Variants in SAMD12 observed in about 807,000 individuals in gnomAD.
SAMD12 encodes sterile alpha motif domain containing 12.
In SAMD12, 9 loss-of-function variants were observed where a neutral mutation model predicts 15.0. The observed-to-expected ratio is 0.60, with a 90% confidence interval of 0.36 to 1.05. The LOEUF (loss-of-function observed/expected upper bound fraction) is 1.05, where lower values mean the gene tolerates loss of function less well. SAMD12 is among the 50% of genes least tolerant of loss of function. The pLI is 0.01. For synonymous variants in SAMD12, 86 were observed against 90.1 expected (o/e 0.96, Z 0.25); for missense variants, 230 against 234.2 (o/e 0.98, Z 0.12).
At chr8:118,471,703 A>G (rs1823796824) in intron 2 of SAMD12, among the ~76,000 whole-genome samples, 1 of 152,130 alleles carries the variant, frequency 6.6e-6, no homozygotes, top group African/African-American at 2.4e-5. Flanking sequence ...TGTCCATGAA[A>G]CTTGCTCTTG....
At chr8:118,245,395 C>T (rs1439917132) in intron 4 of SAMD12, among the ~76,000 whole-genome samples, 1 of 152,092 alleles carries the variant, frequency 6.6e-6, no homozygotes, top group Non-Finnish European at 1.5e-5. Flanking sequence ...AGTCTGGATG[C>T]CGCAAGGGGA....
intron 2 of SAMD12, among the ~76,000 whole-genome samples, chr8:118,562,607 T>G (rs536010910): frequency 1.3e-5 from 2 of 152,210 alleles, no homozygotes; most frequent in East Asian, 1.9e-4. Flanking sequence ...AGGGGAATGA[T>G]GATGAAAAAA....
At chr8:118,576,540 T>C (rs1320029858) in intron 2 of SAMD12, among the ~76,000 whole-genome samples, 1 of 152,166 alleles carries the variant, frequency 6.6e-6, no homozygotes, top group African/African-American at 2.4e-5. Flanking sequence ...GGGCTACATA[T>C]TGGAATTTAT....
chr8:118,222,529 G>C (rs1030998236), intron 4 of SAMD12, among the ~76,000 whole-genome samples: 7 of 152,046 alleles, frequency 4.6e-5, no homozygotes, highest in African/African-American at 1.7e-4. Flanking sequence ...TTTTGAGATG[G>C]AGTTTTGCTC....
intron 2 of SAMD12, among the ~76,000 whole-genome samples, chr8:118,457,272 C>T (rs1488839536): frequency 2.0e-5 from 3 of 151,086 alleles, no homozygotes; most frequent in Non-Finnish European, 4.4e-5. Context: ...ACTCTCTTGC[C>T]CATGCTGGAG....
At chr8:118,151,707 G>T in the SAMD12 span, among the ~76,000 whole-genome samples, 39 of 151,908 alleles carry the variant, frequency 2.6e-4, no homozygotes, top group African/African-American at 9.0e-4. Flanking sequence ...ACAGGTGCCT[G>T]TAGTCCCAGC....
intron 4 of SAMD12, among the ~76,000 whole-genome samples, chr8:118,360,741 C>T (rs539256431): frequency 1.3e-5 from 2 of 152,320 alleles, no homozygotes; most frequent in South Asian, 2.1e-4. Flanking sequence ...AAACTCTACT[C>T]GTGCTAGGGA....
chr8:118,252,925 C>G (rs1473967523), intron 4 of SAMD12, among the ~76,000 whole-genome samples: 1 of 152,200 alleles, frequency 6.6e-6, no homozygotes, highest in African/African-American at 2.4e-5. Flanking sequence ...TGTGGGCATT[C>G]CTGCTGAGTA....
At chr8:118,428,325 T>G (rs1312001668) in intron 3 of SAMD12, among the ~76,000 whole-genome samples, 8 of 151,956 alleles carry the variant, frequency 5.3e-5, no homozygotes, top group Admixed American at 3.3e-4. Flanking sequence ...CAGCTACATG[T>G]GAGGTTGGGG....
At chr8:118,490,259 A>G (rs1442118047) in intron 2 of SAMD12, among the ~76,000 whole-genome samples, 1 of 152,124 alleles carries the variant, frequency 6.6e-6, no homozygotes, top group Admixed American at 6.5e-5. Flanking sequence ...ATTTATTGAG[A>G]TGTGGTTCCC....
chr8:118,312,245 G>A (rs187664258), intron 4 of SAMD12, among the ~76,000 whole-genome samples: 12 of 152,228 alleles, frequency 7.9e-5, no homozygotes, highest in Admixed American at 7.9e-4. Flanking sequence ...GCTTTGCAGA[G>A]CTTTTGGCTG....
chr8:118,545,625 A>G (rs1476511268), intron 2 of SAMD12, among the ~76,000 whole-genome samples: 1 of 152,230 alleles, frequency 6.6e-6, no homozygotes, highest in Non-Finnish European at 1.5e-5. Context: ...AAGAGATAAC[A>G]TACTTCAATG....
intron 4 of SAMD12, among the ~76,000 whole-genome samples, chr8:118,288,947 T>A (rs1261314063): frequency 6.6e-6 from 1 of 152,208 alleles, no homozygotes; most frequent in Admixed American, 6.5e-5. Flanking sequence ...ACCTAACATG[T>A]CTTCCTGGTC....
intron 4 of SAMD12, among the ~76,000 whole-genome samples, chr8:118,245,901 A>G (rs1217388602): frequency 6.6e-6 from 1 of 152,122 alleles, no homozygotes; most frequent in Non-Finnish European, 1.5e-5. Context: ...AGACAAATGG[A>G]AACCCATTTT....
chr8:118,555,259 G>GT (rs1198387499), intron 2 of SAMD12, among the ~76,000 whole-genome samples: 3 of 152,096 alleles, frequency 2.0e-5, no homozygotes, highest in African/African-American at 7.2e-5. Flanking sequence ...TCCTGATGTT[G>GT]TTTATGTTTA....
At chr8:118,366,813 AAATAAAAT>A (rs1250211304) in intron 4 of SAMD12, among the ~76,000 whole-genome samples, 945 of 57,610 alleles carry the variant, frequency 0.016, 31 homozygotes, top group Middle Eastern at 0.082. Flanking sequence ...ACTCTGTCTC[AAATAAAAT>A]AAAATAAAAT....
exon 5 of SAMD12, chr8:118,195,696 G>A (rs1056680494): frequency 6.6e-6 from 1 of 152,398 alleles, no homozygotes; most frequent in African/African-American, 2.4e-5. Flanking sequence ...TGGTGATAAT[G>A]TTGGGGAGGA....
At chr8:118,197,552 C>T in exon 5 of SAMD12, 1 of 745,510 alleles carries the variant, frequency 1.3e-6, no homozygotes, top group Non-Finnish European at 2.4e-6. Flanking sequence ...TTCCAAAACC[C>T]ATAATATTGA....
chr8:118,358,780 A>G (rs924456046), intron 4 of SAMD12, among the ~76,000 whole-genome samples: 2 of 152,216 alleles, frequency 1.3e-5, no homozygotes, highest in Non-Finnish European at 2.9e-5. Flanking sequence ...AACTTAGAAT[A>G]TTAAAGACTG....
Sources: gnomAD v4.1 joint callset for allele counts (sites outside exome capture counted in the v4.1 genomes callset) on GRCh38, gnomAD v4.1.1 for gene constraint, MANE v1.5 for transcripts, NCBI Gene and HGNC (gene_info 2026-07-23, HGNC 2026-07-21) for gene names.